Variants in STRBP observed in about 807,000 individuals in gnomAD.
The protein encoded by STRBP is spermatid perinuclear RNA binding protein.
In STRBP, 13 loss-of-function variants were observed where a neutral mutation model predicts 80.1. The observed-to-expected ratio is 0.16, with a 90% CI of 0.11 to 0.26. STRBP has a LOEUF of 0.26. Ranked by LOEUF, STRBP falls within the 10% of genes least tolerant of loss-of-function variation. The pLI, the probability that STRBP is intolerant of heterozygous loss-of-function variation, is 1.00. For missense variants in STRBP, 485 were observed against 815.2 expected (o/e 0.59, Z 4.93); for synonymous variants, 284 against 291.2 (o/e 0.98, Z 0.25).
At chr9:123,170,609 C>T (rs907775523) in intron 5 of STRBP, among the ~76,000 whole-genome samples, 6 of 152,128 alleles carry the variant, frequency 3.9e-5, no homozygotes, top group East Asian at 1.9e-4. Flanking sequence ...TTCCCTTCTC[C>T]GACAACAGGT....
In STRBP at chr9:123,179,195, G is replaced by A. The variant is rs1425978509; in HGVS notation, c.36C>T (p.Arg12=). ...RSIRSFANDD[R]HVMVKHSTIY... is the part of the protein sequence containing the mutation. ...TTGTTGAATGTTTCACCATAACATG[G>A]CGATCATCATTAGCAAAAGATCGAA... The change falls in exon 4 of 19, where the codon CGC becomes CGT. Residue 12 remains arginine (R), a synonymous_variant. Coordinates refer to ENST00000348403, the MANE Select transcript of STRBP (RefSeq NM_018387.5). 3 of 1,609,562 alleles carry A rather than the reference G, an allele frequency of 1.9e-6. No individual in the cohort carries two copies. Among genetic ancestry groups the A allele is most frequent in the East Asian group, 4.5e-5 (2 of 44,712 alleles).
chr9:123,211,994 C>A (rs181672217), intron 2 of STRBP, among the ~76,000 whole-genome samples: 2 of 152,128 alleles, frequency 1.3e-5, no homozygotes, highest in East Asian at 1.9e-4. Context: ...TCAAAAAGAA[C>A]CTTCTTACTC....
intron 2 of STRBP, among the ~76,000 whole-genome samples, chr9:123,216,674 C>T (rs1027785131): frequency 6.6e-6 from 1 of 152,186 alleles, no homozygotes; most frequent in African/African-American, 2.4e-5. Flanking sequence ...AAGGGAACTA[C>T]CCATATAAAT....
rs1362064890 is a variant in STRBP, at chr9:123,122,774, T to G, written c.*2823A>C. The G allele has an allele frequency of 1.0e-6, 1 of 992,026 alleles. No homozygotes were observed. The highest frequency in any genetic ancestry group is 5.8e-5 in the Admixed American group (1 of 17,146). 61.5% of individuals were successfully genotyped at this position (992,026 alleles called of 1,614,324 possible). On this transcript the variant is annotated 3_prime_UTR_variant, in exon 19 of 19. Transcript: ENST00000348403. ...ATTATAGTAACGCTAACTGACGCAGTCAGGAATGTAACTATTTATGTGCTA... is the reference window on the plus strand; with the variant it reads ...ATTATAGTAACGCTAACTGACGCAGGCAGGAATGTAACTATTTATGTGCTA...
Position 123,158,438 on chromosome 9 carries a change from A to G in STRBP, c.836-9T>C, listed in dbSNP as rs751061423. 6.2e-7 allele frequency: 1 copy of G among 1,612,426 alleles called. No individual in the cohort carries two copies. The highest frequency in any genetic ancestry group is 1.1e-5 in the South Asian group (1 of 90,978). On this transcript the variant is annotated splice_polypyrimidine_tract_variant and intron_variant, in intron 9 of 18. Transcript: ENST00000348403. ...ATGAAGACCAGGACCCCCTTTGGCA[A>G]AGGAAAAACACAAGTATCATTTAGA...
chr9:123,233,711 A>G (rs1473602195), intron 2 of STRBP, among the ~76,000 whole-genome samples: 1 of 152,250 alleles, frequency 6.6e-6, no homozygotes, highest in Non-Finnish European at 1.5e-5. Context: ...ATACATCTGC[A>G]TTGATTTACA....
chr9:123,225,756 A>G (rs1229451240), intron 2 of STRBP, among the ~76,000 whole-genome samples: 1 of 152,186 alleles, frequency 6.6e-6, no homozygotes, highest in East Asian at 1.9e-4. Flanking sequence ...CAGCCCTCCA[A>G]GAGATTCTGT....
chr9:123,125,282 A>AT lies in STRBP; in HGVS notation c.*314dup. 9.6e-7 allele frequency: 1 copy of AT among 1,039,304 alleles called. No individual in the cohort carries two copies. Among genetic ancestry groups the AT allele is most frequent in the Non-Finnish European group, 1.2e-6 (1 of 864,444 alleles). The allele number at this position is 1,039,304 out of a possible 1,614,324, so 64.4% of individuals were successfully genotyped here. A position where few individuals can be genotyped will look rare whatever the true frequency, so the allele number is the denominator to read the frequency against. On this transcript the variant is annotated 3_prime_UTR_variant, in exon 19 of 19. Coordinates refer to ENST00000348403, the MANE Select transcript of STRBP (RefSeq NM_018387.5). ...ACTCTATACATCCTTCACAAATTTA[A>AT]TTTTACATAATCTGATACGTCTCTT...
chr9:123,184,919 C>T (rs1381403516), intron 2 of STRBP, among the ~76,000 whole-genome samples: 1 of 152,110 alleles, frequency 6.6e-6, no homozygotes, highest in Admixed American at 6.5e-5. Context: ...GACTTCATTA[C>T]CCCTGGATGT....
intron 2 of STRBP, among the ~76,000 whole-genome samples, chr9:123,200,966 G>C (rs558794695): frequency 6.6e-6 from 1 of 151,788 alleles, no homozygotes; most frequent in African/African-American, 2.4e-5. Flanking sequence ...ATCTAGGAAG[G>C]TTGTACGTTT....
intron 2 of STRBP, among the ~76,000 whole-genome samples, chr9:123,226,314 A>G (rs1054890851): frequency 6.6e-6 from 1 of 152,230 alleles, no homozygotes; most frequent in African/African-American, 2.4e-5. Flanking sequence ...AAGTCTGTCA[A>G]AATTCATAGA....
chr9:123,237,184 T>A (rs1328570654), intron 1 of STRBP, among the ~76,000 whole-genome samples: 1 of 152,172 alleles, frequency 6.6e-6, no homozygotes, highest in Non-Finnish European at 1.5e-5. Flanking sequence ...AATAATACTT[T>A]GCAAACCACA....
intron 1 of STRBP, among the ~76,000 whole-genome samples, chr9:123,254,540 T>A (rs2040986164): frequency 6.6e-6 from 1 of 151,886 alleles, no homozygotes; most frequent in African/African-American, 2.4e-5. Context: ...GGTGTGTGAT[T>A]TTCAACTAGT....
intron 2 of STRBP, among the ~76,000 whole-genome samples, chr9:123,202,529 G>A (rs2039363865): frequency 6.6e-6 from 1 of 152,184 alleles, no homozygotes; most frequent in Non-Finnish European, 1.5e-5. Flanking sequence ...GTTGAAGACA[G>A]GACCCTAATC....
intron 12 of STRBP, 84 bp downstream of exon 12, chr9:123,147,694 A>C (rs1010187106): frequency 2.5e-5 from 29 of 1,160,214 alleles, no homozygotes; most frequent in African/African-American, 3.2e-5. Context: ...AAAAAAAAAA[A>C]AAAAACCCTT....
intron 18 of STRBP, 57 bp from the exon 19 acceptor site, chr9:123,125,730 T>C: frequency 7.2e-7 from 1 of 1,386,858 alleles, no homozygotes; most frequent in Non-Finnish European, 1.0e-6. Context: ...CCAATAAAAA[T>C]TTCAGGTAAA....
At chr9:123,211,421 G>A (rs1228929182) in intron 2 of STRBP, among the ~76,000 whole-genome samples, 2 of 152,132 alleles carry the variant, frequency 1.3e-5, no homozygotes, top group East Asian at 1.9e-4. Flanking sequence ...TTCTGTCGAG[G>A]AAGCCATGGG....
intron 11 of STRBP, among the ~76,000 whole-genome samples, chr9:123,154,655 C>T (rs1029623367): frequency 6.6e-6 from 1 of 152,122 alleles, no homozygotes; most frequent in African/African-American, 2.4e-5. Flanking sequence ...AAAAGTGTTC[C>T]TCTGTATCAA....
intron 11 of STRBP, among the ~76,000 whole-genome samples, chr9:123,156,678 CA>C (rs75671540): frequency 0.032 from 2,870 of 88,582 alleles, 65 homozygotes; most frequent in African/African-American, 0.091. Flanking sequence ...AGAAAAAGGC[CA>C]AAAAAAAAAA....
Sources: allele counts gnomAD v4.1 joint callset (sites outside exome capture counted in the v4.1 genomes callset), GRCh38; gene constraint gnomAD v4.1.1; transcripts MANE v1.5; gene names NCBI Gene and HGNC (gene_info 2026-07-23, HGNC 2026-07-21).